The following PRKG1 variants were observed in gnomAD, a reference collection of about 807,000 sequenced individuals.
The protein encoded by PRKG1 is protein kinase cGMP-dependent 1.
A neutral mutation model predicts 88.1 loss-of-function variants in PRKG1; 35 were observed. The ratio of observed to expected loss-of-function variants is 0.40; its 90% confidence interval spans 0.30 to 0.53. The LOEUF is 0.53. PRKG1 is among the 20% of genes least tolerant of loss of function. The pLI is 0.59. For missense variants in PRKG1, 540 were observed against 839.8 expected (o/e 0.64, Z 4.41); for synonymous variants, 303 against 292.5 (o/e 1.04, Z -0.37).
intron 2 of PRKG1, among the ~76,000 whole-genome samples, chr10:51,410,272 G>A (rs372553527): frequency 4.1e-3 from 285 of 69,466 alleles, no homozygotes; most frequent in African/African-American, 0.011. Context: ...ATATATATAT[G>A]TGTGTGTGTG....
chr10:51,327,401 AGT>A (rs751678215), intron 2 of PRKG1, among the ~76,000 whole-genome samples: 41 of 150,018 alleles, frequency 2.7e-4, no homozygotes, highest in Non-Finnish European at 5.8e-4. Context: ...TGGGCTACAG[AGT>A]GAGACTCAAT....
intron 5 of PRKG1, among the ~76,000 whole-genome samples, chr10:51,934,068 C>A (rs1000479370): frequency 1.3e-4 from 20 of 152,202 alleles, no homozygotes; most frequent in African/African-American, 4.8e-4. Flanking sequence ...TAGAAATGCA[C>A]TTTCCTGGTG....
At chr10:52,044,986 C>T (rs61849881) in intron 5 of PRKG1, among the ~76,000 whole-genome samples, 2,531 of 152,264 alleles carry the variant, frequency 0.017, 32 homozygotes, top group Non-Finnish European at 0.025. Context: ...GGCAGACATA[C>T]AGCAATTCTG....
intron 9 of PRKG1, among the ~76,000 whole-genome samples, chr10:52,213,951 A>G (rs1840047561): frequency 6.6e-6 from 1 of 152,230 alleles, no homozygotes; most frequent in Non-Finnish European, 1.5e-5. Context: ...TACATTTAAT[A>G]CATCTACAAG....
chr10:51,741,767 A>T (rs1043301768), intron 3 of PRKG1, among the ~76,000 whole-genome samples: 3 of 152,206 alleles, frequency 2.0e-5, no homozygotes, highest in African/African-American at 4.8e-5. Context: ...ACGGTAAAAA[A>T]TAAGGTTCTT....
At chr10:52,037,128 C>T (rs1272709238) in intron 5 of PRKG1, among the ~76,000 whole-genome samples, 14 of 152,290 alleles carry the variant, frequency 9.2e-5, no homozygotes, top group Admixed American at 2.6e-4. Flanking sequence ...TTGAACAGTC[C>T]GATTTTCAGT....
At chr10:51,170,548 C>T (rs1408797081) in intron 2 of PRKG1, among the ~76,000 whole-genome samples, 2 of 151,504 alleles carry the variant, frequency 1.3e-5, no homozygotes, top group African/African-American at 4.9e-5. Context: ...GAAGGAATTG[C>T]TATGTTCTGT....
chr10:51,744,868 C>T (rs981316484), intron 3 of PRKG1, among the ~76,000 whole-genome samples: 3 of 152,178 alleles, frequency 2.0e-5, no homozygotes, highest in African/African-American at 4.8e-5. Context: ...ATCTGCAAAA[C>T]AGCTACCATC....
At chr10:51,430,119 TAA>T (rs36116134) in intron 2 of PRKG1, among the ~76,000 whole-genome samples, 40,695 of 141,566 alleles carry the variant, frequency 0.29, 5,756 homozygotes, top group African/African-American at 0.34. Flanking sequence ...TGGCTACAAT[TAA>T]AAAAAAAAAA....
chr10:52,231,611 A>G (rs1346211581), intron 9 of PRKG1, among the ~76,000 whole-genome samples: 1 of 152,170 alleles, frequency 6.6e-6, no homozygotes, highest in African/African-American at 2.4e-5. Flanking sequence ...TTCATTCCTT[A>G]TATTACCTAA....
intron 2 of PRKG1, among the ~76,000 whole-genome samples, chr10:51,436,710 T>A (rs1433227865): frequency 6.6e-6 from 1 of 151,984 alleles, no homozygotes; most frequent in South Asian, 2.1e-4. Context: ...AATGTTTAAT[T>A]TGGCTTGCTG....
chr10:51,692,202 A>G (rs1032515733), intron 3 of PRKG1, among the ~76,000 whole-genome samples: 2 of 151,526 alleles, frequency 1.3e-5, no homozygotes, highest in African/African-American at 4.9e-5. Flanking sequence ...AATAAATGTT[A>G]AGGCACCAAG....
At chr10:51,588,115 T>C (rs1450189375) in intron 3 of PRKG1, among the ~76,000 whole-genome samples, 1 of 152,216 alleles carries the variant, frequency 6.6e-6, no homozygotes, top group Non-Finnish European at 1.5e-5. Flanking sequence ...GACAAACTTA[T>C]CAGAGATTAG....
At chr10:51,735,975 C>G (rs1398191224) in intron 3 of PRKG1, among the ~76,000 whole-genome samples, 2 of 140,492 alleles carry the variant, frequency 1.4e-5, no homozygotes, top group African/African-American at 5.4e-5. Flanking sequence ...TCACTGCAGC[C>G]TCGACCTTCT....
intron 1 of PRKG1, among the ~76,000 whole-genome samples, chr10:51,006,398 A>G (rs1301366033): frequency 3.9e-5 from 6 of 152,170 alleles, no homozygotes; most frequent in Non-Finnish European, 5.9e-5. Context: ...GATTTAGTTT[A>G]TTGCCTTATA....
At chr10:51,751,908 A>G (rs1837735565) in intron 3 of PRKG1, among the ~76,000 whole-genome samples, 1 of 152,144 alleles carries the variant, frequency 6.6e-6, no homozygotes, top group African/African-American at 2.4e-5. Flanking sequence ...ATCTGAATGG[A>G]TGATAAACAA....
At position 51,926,874 on chromosome 10, in the gene PRKG1, A is replaced by G. The variant is rs576006575; in HGVS notation, c.762+19304A>G. Among the ~76,000 whole-genome samples, 4 of 149,820 alleles carry G rather than the reference A, an allele frequency of 2.7e-5. No individual in the cohort carries two copies. The East Asian group carries it at 7.9e-4, about 29-fold the overall frequency. On this transcript the variant is annotated intron_variant, in intron 5 of 17. Coordinates refer to ENST00000373980, the MANE Select transcript of PRKG1 (RefSeq NM_006258.4). ...CCATACCTTTTAGTGTTAAGACGATATGTAGTTCTACCTGGTAATTGTAAG... is the reference window on the plus strand; with the variant it reads ...CCATACCTTTTAGTGTTAAGACGATGTGTAGTTCTACCTGGTAATTGTAAG...
At chr10:52,274,546 C>T (rs993206121) in intron 12 of PRKG1, among the ~76,000 whole-genome samples, 16 of 150,508 alleles carry the variant, frequency 1.1e-4, no homozygotes, top group Non-Finnish European at 2.2e-4. Flanking sequence ...CACACACACA[C>T]ATGCCATCAT....
chr10:51,796,911 G>T (rs974266131), intron 3 of PRKG1, among the ~76,000 whole-genome samples: 1 of 152,000 alleles, frequency 6.6e-6, no homozygotes, highest in Non-Finnish European at 1.5e-5. Context: ...TAGCCTGTTG[G>T]TTCTGTTTCT....
Sources: gnomAD v4.1 joint callset for allele counts (sites outside exome capture counted in the v4.1 genomes callset) on GRCh38, gnomAD v4.1.1 for gene constraint, MANE v1.5 for transcripts, NCBI Gene and HGNC (gene_info 2026-07-23, HGNC 2026-07-21) for gene names.